Variants in DYSF observed in about 807,000 individuals in gnomAD.
DYSF encodes dysferlin.
A neutral mutation model predicts 274.9 loss-of-function variants in DYSF; 212 were observed. The ratio of observed to expected loss-of-function variants is 0.77; its 90% CI spans 0.69 to 0.86. The LOEUF (loss-of-function observed/expected upper bound fraction) is 0.86, where lower values mean the gene tolerates loss of function less well. Among genes scored for constraint, DYSF ranks in the 40% least tolerant of loss-of-function variants. The probability of loss-of-function intolerance (pLI) is 0.00; values close to 1 mark genes in which losing one functional copy is unlikely to be tolerated. For missense variants in DYSF, 2,666 were observed against 2,783.2 expected (o/e 0.96, Z 0.95); for synonymous variants, 1,091 against 1,078.7 (o/e 1.01, Z -0.22).
At chr2:71,477,554 A>G (rs1025806694) in intron 1 of DYSF, among the ~76,000 whole-genome samples, 2 of 152,208 alleles carry the variant, frequency 1.3e-5, no homozygotes, top group Non-Finnish European at 2.9e-5. Context: ...TGATGGTGAC[A>G]TTAATGTATG....
In DYSF at chr2:71,553,937, T is replaced by A; in HGVS notation, c.2109+6T>A. The A allele has an allele frequency of 3.1e-6, 5 of 1,613,834 alleles. No homozygotes were observed. Among genetic ancestry groups the A allele is most frequent in the Non-Finnish European group, 4.2e-6 (5 of 1,179,934 alleles). On this transcript the variant is annotated splice_donor_region_variant and intron_variant, in intron 21 of 55. Coordinates refer to ENST00000410020, the MANE Select transcript of DYSF (RefSeq NM_001130987.2). ...TTGGGATTGCTGACCGGCTGGTGAG[T>A]GAAAACTTGCCCAAAGCTGCACATG...
intron 41 of DYSF, among the ~76,000 whole-genome samples, chr2:71,624,460 A>AGG (rs1380698023): frequency 3.9e-5 from 6 of 152,222 alleles, no homozygotes; most frequent in Non-Finnish European, 8.8e-5. Flanking sequence ...GTCCCTTAAA[A>AGG]GGCTTTTCAG....
intron 3 of DYSF, among the ~76,000 whole-genome samples, chr2:71,488,533 T>C (rs1030486913): frequency 6.6e-6 from 1 of 152,140 alleles, no homozygotes; most frequent in Non-Finnish European, 1.5e-5. Context: ...ACCTGTTAAA[T>C]GAGGAGGTCT....
chr2:71,528,430 C>T (rs750214682), intron 14 of DYSF, 29 bp downstream of exon 14: 2 of 1,589,498 alleles, frequency 1.3e-6, no homozygotes, highest in African/African-American at 2.7e-5. Context: ...GGAGGGTTCT[C>T]TCGGGAGGGG....
chr2:71,550,902 A>G (rs1429405374), intron 17 of DYSF, 139 bp from the exon 18 acceptor site: 1 of 720,826 alleles, frequency 1.4e-6, no homozygotes, highest in South Asian at 1.6e-5. Context: ...GTTCTTCTTT[A>G]TACACTGACA....
chr2:71,600,357 C>T (rs1049122820), intron 33 of DYSF, among the ~76,000 whole-genome samples: 3 of 152,188 alleles, frequency 2.0e-5, no homozygotes, highest in Non-Finnish European at 4.4e-5. Flanking sequence ...TACTGCTGAG[C>T]GCATTAGAGA....
At chr2:71,599,270 C>A (rs1056540375) in intron 33 of DYSF, among the ~76,000 whole-genome samples, 1 of 152,184 alleles carries the variant, frequency 6.6e-6, no homozygotes, top group East Asian at 1.9e-4. Context: ...TGGTGACAGG[C>A]GAGCTCTAGG....
intron 45 of DYSF, among the ~76,000 whole-genome samples, chr2:71,663,836 A>G (rs1433005541): frequency 6.6e-6 from 1 of 152,132 alleles, no homozygotes; most frequent in Non-Finnish European, 1.5e-5. Context: ...CTGGAGTACC[A>G]GTCGTCGGTA....
chr2:71,650,919 CA>C (rs1203633080), intron 42 of DYSF, among the ~76,000 whole-genome samples: 2 of 151,644 alleles, frequency 1.3e-5, no homozygotes, highest in African/African-American at 4.8e-5. Context: ...ATGTTAATTA[CA>C]AAAAAGAAAA....
chr2:71,565,896 T>A (rs1346881430), intron 24 of DYSF, among the ~76,000 whole-genome samples: 2 of 152,218 alleles, frequency 1.3e-5, no homozygotes, highest in African/African-American at 2.4e-5. Context: ...TCTCCCCTTT[T>A]CCTTTTGGGG....
rs188128851 is a variant in DYSF at position 71,634,710 on chromosome 2, T to C, written c.4528-9255T>C. Among the ~76,000 whole-genome samples, 720 of 152,312 alleles carry C rather than the reference T, an allele frequency of 4.7e-3. 7 individuals are homozygous for C. Among genetic ancestry groups the C allele is most frequent in the Non-Finnish European group, 7.6e-3 (518 of 68,030 alleles). ...AGGTTTAAACTTAGGCAGTCTGGGC[T>C]TTCTATCTTCCTCCTTAACCCTGGG... On this transcript the variant is annotated intron_variant, in intron 41 of 55. Coordinates refer to ENST00000410020, the MANE Select transcript of DYSF (RefSeq NM_001130987.2).
At chr2:71,587,968 C>T (rs911831708) in intron 30 of DYSF, among the ~76,000 whole-genome samples, 1 of 152,214 alleles carries the variant, frequency 6.6e-6, no homozygotes, top group Non-Finnish European at 1.5e-5. Flanking sequence ...AAGACCCAGC[C>T]TACCTTAGGA....
chr2:71,510,245 T>C (rs555306500), intron 4 of DYSF, among the ~76,000 whole-genome samples: 56 of 152,226 alleles, frequency 3.7e-4, no homozygotes, highest in African/African-American at 1.2e-3. Context: ...CCCAGGACAG[T>C]TGTTAAAAGT....
intron 30 of DYSF, chr2:71,576,579 A>G (rs2092706394): frequency 6.5e-6 from 1 of 153,202 alleles, no homozygotes; most frequent in African/African-American, 2.4e-5. Flanking sequence ...GCGGGCTGTG[A>G]TGAGTTCACG....
intron 36 of DYSF, among the ~76,000 whole-genome samples, chr2:71,609,604 A>T (rs1445300387): frequency 1.3e-5 from 2 of 152,230 alleles, no homozygotes; most frequent in Non-Finnish European, 2.9e-5. Flanking sequence ...TCTTCATCTG[A>T]GAATACTGAG....
chr2:71,551,483 G>A (rs1039781671), intron 18 of DYSF, 124 bp from the exon 19 acceptor site: 24 of 783,032 alleles, frequency 3.1e-5, no homozygotes, highest in Non-Finnish European at 4.7e-5. Context: ...CAGGGGGGAT[G>A]AGGTTGGCTG....
At chr2:71,527,583 C>T (rs940898256) in intron 13 of DYSF, among the ~76,000 whole-genome samples, 5 of 63,742 alleles carry the variant, frequency 7.8e-5, no homozygotes, top group Non-Finnish European at 1.1e-4. Context: ...TTCCCTGCAA[C>T]GTTGTTTGAA....
chr2:71,597,800 T>G (rs1319629867), intron 32 of DYSF, among the ~76,000 whole-genome samples: 1 of 152,186 alleles, frequency 6.6e-6, no homozygotes, highest in East Asian at 1.9e-4. Context: ...AAATAGCTGC[T>G]GAGTCTGTGC....
intron 30 of DYSF, among the ~76,000 whole-genome samples, chr2:71,587,047 T>A (rs1349943640): frequency 6.6e-6 from 1 of 152,188 alleles, no homozygotes; most frequent in Non-Finnish European, 1.5e-5. Context: ...CAAGCCCTAT[T>A]TCCAGCGTCC....
Sources: allele counts gnomAD v4.1 joint callset (sites outside exome capture counted in the v4.1 genomes callset), GRCh38; gene constraint gnomAD v4.1.1; transcripts MANE v1.5; gene names NCBI Gene and HGNC (gene_info 2026-07-23, HGNC 2026-07-21).